Variants in CCSER1 observed in about 807,000 individuals in gnomAD.
CCSER1 encodes serine-rich coiled-coil domain-containing protein 1.
Under a neutral mutation model 82.0 loss-of-function variants are expected in CCSER1, and 41 were observed. The ratio of observed to expected loss-of-function variants is 0.50; its 90% CI spans 0.39 to 0.65. CCSER1 has a LOEUF of 0.65. Among genes scored for constraint, CCSER1 ranks in the 30% least tolerant of loss-of-function variants. The pLI is 0.00. For missense variants in CCSER1, 1,119 were observed against 1,064.2 expected (o/e 1.05, Z -0.72); for synonymous variants, 414 against 383.9 (o/e 1.08, Z -0.92).
intron 3 of CCSER1, among the ~76,000 whole-genome samples, chr4:90,366,354 T>G (rs2100842): frequency 0.46 from 69,779 of 151,406 alleles, 16,630 homozygotes; most frequent in South Asian, 0.58. Context: ...AACAGAGAAC[T>G]GGGTTTAACT....
intron 10 of CCSER1, among the ~76,000 whole-genome samples, chr4:91,262,851 TG>T (rs1366066125): frequency 7.0e-6 from 1 of 141,856 alleles, no homozygotes; most frequent in African/African-American, 2.7e-5. Flanking sequence ...TCTTATCATA[TG>T]AAAAAAAAAA....
At chr4:90,451,328 C>A (rs1310975424) in intron 4 of CCSER1, among the ~76,000 whole-genome samples, 2 of 152,016 alleles carry the variant, frequency 1.3e-5, no homozygotes, top group Non-Finnish European at 2.9e-5. Context: ...TACTGGATGC[C>A]CCTTGTCTTT....
At chr4:90,986,621 A>T (rs1453090131) in intron 9 of CCSER1, among the ~76,000 whole-genome samples, 1 of 151,682 alleles carries the variant, frequency 6.6e-6, no homozygotes, top group Non-Finnish European at 1.5e-5. Flanking sequence ...GTTAGACACC[A>T]AACCACATGC....
intron 6 of CCSER1, among the ~76,000 whole-genome samples, chr4:90,705,539 G>A (rs1307750186): frequency 1.3e-5 from 2 of 152,198 alleles, no homozygotes; most frequent in African/African-American, 4.8e-5. Flanking sequence ...GGTTTCTGCT[G>A]CCTTTTGTTT....
chr4:90,439,266 T>C (rs4692952), intron 4 of CCSER1, among the ~76,000 whole-genome samples: 151,351 of 152,252 alleles, frequency 0.99, 75,226 homozygotes, highest in Middle Eastern at 1. Context: ...CTAGCCCGTG[T>C]GACAGAGCAA....
chr4:91,478,967 A>C (rs1310289917), intron 10 of CCSER1, among the ~76,000 whole-genome samples: 1 of 151,838 alleles, frequency 6.6e-6, no homozygotes, highest in Non-Finnish European at 1.5e-5. Flanking sequence ...TATGTTTGTG[A>C]CTTTATTTTT....
intron 5 of CCSER1, among the ~76,000 whole-genome samples, chr4:90,569,334 T>C (rs747951234): frequency 1.1e-4 from 17 of 152,004 alleles, no homozygotes; most frequent in Non-Finnish European, 2.1e-4. Context: ...GGCCTGAAGC[T>C]CTGGACTGAT....
intron 9 of CCSER1, among the ~76,000 whole-genome samples, chr4:91,065,702 G>A (rs549632268): frequency 6.6e-6 from 1 of 151,962 alleles, no homozygotes; most frequent in African/African-American, 2.4e-5. Flanking sequence ...AATTCCTTGG[G>A]GATTAGTATT....
chr4:90,601,473 C>A (rs919038524), intron 5 of CCSER1, among the ~76,000 whole-genome samples: 1 of 152,080 alleles, frequency 6.6e-6, no homozygotes, highest in Admixed American at 6.6e-5. Context: ...AAAAGTTTAT[C>A]AATTTGATTA....
intron 4 of CCSER1, among the ~76,000 whole-genome samples, chr4:90,440,707 G>A (rs933637727): frequency 1.3e-5 from 2 of 152,074 alleles, no homozygotes; most frequent in African/African-American, 4.8e-5. Context: ...CTTCCTTGAC[G>A]ACTTTCCCCA....
rs1343806849 is a variant in CCSER1, at chr4:90,566,671, C to T, written c.1725-61354C>T. On this transcript the variant is annotated intron_variant, in intron 5 of 10. Transcript: ENST00000509176. Reference sequence around the variant, plus strand: ...AGGCTGGAGTGCAGTGGCGCAATCTCGGCTCACTGCAAGGTCCGCCTCCAG... The same window carrying T: ...AGGCTGGAGTGCAGTGGCGCAATCTTGGCTCACTGCAAGGTCCGCCTCCAG... 2.0e-5 allele frequency among the ~76,000 whole-genome samples: 3 copies of T among 150,632 alleles called. No homozygotes were observed. The East Asian group carries it at 5.9e-4, about 29-fold the overall frequency.
At chr4:90,230,202 A>G (rs1214905576) in intron 1 of CCSER1, among the ~76,000 whole-genome samples, 1 of 152,130 alleles carries the variant, frequency 6.6e-6, no homozygotes, top group African/African-American at 2.4e-5. Flanking sequence ...CTATTCCAAA[A>G]TTGACCACAT....
intron 6 of CCSER1, among the ~76,000 whole-genome samples, chr4:90,699,585 T>A (rs2149269171): frequency 6.6e-6 from 1 of 152,318 alleles, no homozygotes; most frequent in East Asian, 1.9e-4. Flanking sequence ...TGCTGACTAT[T>A]CAGAAGTTTT....
intron 10 of CCSER1, among the ~76,000 whole-genome samples, chr4:91,526,943 C>T (rs1386194808): frequency 9.8e-6 from 1 of 102,374 alleles, no homozygotes. Flanking sequence ...ATTTCAACTT[C>T]AGGAAAACTC....
chr4:90,685,489 A>T (rs2149202529), intron 6 of CCSER1, among the ~76,000 whole-genome samples: 1 of 152,270 alleles, frequency 6.6e-6, no homozygotes, highest in East Asian at 1.9e-4. Context: ...ACTTTTAGGT[A>T]CCCAGCATAT....
intron 10 of CCSER1, among the ~76,000 whole-genome samples, chr4:91,238,433 G>A (rs2149127140): frequency 6.6e-6 from 1 of 152,280 alleles, no homozygotes; most frequent in East Asian, 1.9e-4. Context: ...GATTTCAGCT[G>A]TGTGAAAACC....
chr4:90,246,002 C>T (rs952323660), intron 1 of CCSER1, among the ~76,000 whole-genome samples: 1 of 152,110 alleles, frequency 6.6e-6, no homozygotes, highest in Non-Finnish European at 1.5e-5. Context: ...ATTCAGTCAT[C>T]CTGAAATAGT....
chr4:90,910,840 G>A (rs531209587), intron 8 of CCSER1, among the ~76,000 whole-genome samples: 2 of 152,040 alleles, frequency 1.3e-5, no homozygotes, highest in Non-Finnish European at 2.9e-5. Flanking sequence ...GAGGTATGGG[G>A]ACCCAAAAAC....
chr4:90,339,300 C>G (rs907090475), intron 3 of CCSER1, among the ~76,000 whole-genome samples: 5 of 152,148 alleles, frequency 3.3e-5, no homozygotes, highest in African/African-American at 1.2e-4. Flanking sequence ...TCGGGGTGGC[C>G]TCTCTGGCTG....
Sources: allele counts gnomAD v4.1 joint callset (sites outside exome capture counted in the v4.1 genomes callset), GRCh38; gene constraint gnomAD v4.1.1; transcripts MANE v1.5; gene names NCBI Gene and HGNC (gene_info 2026-07-23, HGNC 2026-07-21).